PDZD2: variants seen among roughly 807,000 people sequenced by gnomAD.
PDZD2 encodes PDZ domain containing 2, also known as PDZ domain-containing protein 2.
PDZD2 carries 90 observed loss-of-function variants against 220.7 expected under a neutral mutation model. That is an observed-to-expected ratio of 0.41 (90% CI 0.34 to 0.49). PDZD2 has a LOEUF of 0.49. Among genes scored for constraint, PDZD2 ranks in the 20% least tolerant of loss-of-function variants. The probability of loss-of-function intolerance (pLI) is 0.28; values close to 1 mark genes in which losing one functional copy is unlikely to be tolerated. For missense variants in PDZD2, 3,174 were observed against 3,608.5 expected (o/e 0.88, Z 3.08); for synonymous variants, 1,375 against 1,450.5 (o/e 0.95, Z 1.18).
chr5:31,737,405 C>A (rs188801254), intron 1 of PDZD2, among the ~76,000 whole-genome samples: 13 of 152,138 alleles, frequency 8.5e-5, no homozygotes, highest in East Asian at 3.9e-4. Context: ...ATCTCCTGAC[C>A]TCGTGATCCG....
At chr5:31,642,380 A>G (rs1432998074) in intron 1 of PDZD2, among the ~76,000 whole-genome samples, 3 of 152,172 alleles carry the variant, frequency 2.0e-5, no homozygotes, top group African/African-American at 4.8e-5. Flanking sequence ...GTGGAGAGGC[A>G]GGGATGTCTC....
chr5:31,799,418 T>G lies in PDZD2; in HGVS notation c.170T>G (p.Val57Gly), dbSNP rs1298196652. 2 of 1,614,024 alleles carry G rather than the reference T, an allele frequency of 1.2e-6. No homozygotes were observed. The highest frequency in any genetic ancestry group is 1.3e-5 in the African/African-American group (1 of 74,914). ...AACTTTGCTGTGGATGAGAGTACGG[T>G]CCCACCTGATCACAGCCCCCCCGAA... The part of the protein sequence containing the change: ...QLNFAVDEST[V>G]PPDHSPPEME... Residue 57 changes from valine to glycine, a missense_variant, in exon 2 of 25, where the codon GTC becomes GGC. Physicochemically the swap from Val to Gly is moderately radical, Grantham distance 109. This residue lies in a region of PDZD2 where 632 missense variants were observed against 708.1 expected (regional missense o/e 0.89). Coordinates refer to ENST00000438447, the MANE Select transcript of PDZD2 (RefSeq NM_178140.4).
At chr5:31,751,841 C>T (rs1050036756) in intron 1 of PDZD2, among the ~76,000 whole-genome samples, 1 of 151,860 alleles carries the variant, frequency 6.6e-6, no homozygotes, top group Non-Finnish European at 1.5e-5. Flanking sequence ...GTTAAGATGC[C>T]GCCTCTGCCT....
At chr5:32,054,839 A>C (rs1738954538) in intron 10 of PDZD2, among the ~76,000 whole-genome samples, 1 of 152,226 alleles carries the variant, frequency 6.6e-6, no homozygotes, top group Non-Finnish European at 1.5e-5. Flanking sequence ...ACTGCCTTGC[A>C]AACTTGTCAA....
rs374029157 is a variant in PDZD2, at chr5:31,886,595, C to T, written c.476+86871C>T. ...GATGCTGAGATGTGTGGGCCCTCAG[C>T]CACGGCCCAGGGTGGAATTGAGGTC... is the stretch of plus-strand genomic sequence containing the variant. On this transcript the variant is annotated intron_variant, in intron 2 of 24. Transcript: ENST00000438447. Among the ~76,000 whole-genome samples the T allele has an allele frequency of 1.0e-4, 14 of 138,756 alleles. No homozygotes were observed. In the East Asian group the frequency reaches 1.9e-3, roughly 19 times the overall value. 91.0% of individuals were successfully genotyped at this position (138,756 alleles called of 152,430 possible). A position where few individuals can be genotyped will look rare whatever the true frequency, so the allele number is the denominator to read the frequency against.
intron 1 of PDZD2, among the ~76,000 whole-genome samples, chr5:31,679,320 G>A (rs1746564367): frequency 6.6e-6 from 1 of 152,232 alleles, no homozygotes; most frequent in Admixed American, 6.5e-5. Flanking sequence ...AATATTTCCA[G>A]TAGCTTATGT....
intron 19 of PDZD2, among the ~76,000 whole-genome samples, chr5:32,081,214 G>A (rs1741922538): frequency 6.6e-6 from 1 of 152,142 alleles, no homozygotes; most frequent in Non-Finnish European, 1.5e-5. Context: ...CTCTGTGACT[G>A]TACTGACCCC....
chr5:31,724,159 A>C (rs757699846), intron 1 of PDZD2, among the ~76,000 whole-genome samples: 1 of 152,226 alleles, frequency 6.6e-6, no homozygotes, highest in African/African-American at 2.4e-5. Context: ...GCGTAACTTC[A>C]TAGGAACATT....
intron 2 of PDZD2, among the ~76,000 whole-genome samples, chr5:31,930,866 G>T (rs1745219842): frequency 6.6e-6 from 1 of 152,106 alleles, no homozygotes; most frequent in South Asian, 2.1e-4. Context: ...GGTCAGGAGT[G>T]AGAGAGACTG....
rs34233316 is a variant in PDZD2 at position 31,816,287 on chromosome 5, C to CAAAAAA, written c.476+16573_476+16578dup. Among the ~76,000 whole-genome samples the CAAAAAA allele has an allele frequency of 1.2e-4, 12 of 99,144 alleles. 1 individual carries two copies. The highest frequency in any genetic ancestry group is 2.1e-4 in the African/African-American group (5 of 23,874). 65.0% of individuals were successfully genotyped at this position (99,144 alleles called of 152,430 possible). On this transcript the variant is annotated intron_variant, in intron 2 of 24. Coordinates refer to ENST00000438447, the MANE Select transcript of PDZD2 (RefSeq NM_178140.4). ...TGGGCGACAGAGCGAGACTCCATCT[C>CAAAAAA]AAAAAAAAAAAAAAAGATGACTGGG...
At chr5:31,866,532 C>T (rs1415114420) in intron 2 of PDZD2, among the ~76,000 whole-genome samples, 2 of 152,114 alleles carry the variant, frequency 1.3e-5, no homozygotes, top group South Asian at 2.1e-4. Flanking sequence ...TAGGAGCCTC[C>T]CCGACGATAC....
chr5:31,713,413 A>G lies in PDZD2; in HGVS notation c.-361+73976A>G, dbSNP rs78466381. 5.6e-3 allele frequency among the ~76,000 whole-genome samples: 848 copies of G among 152,274 alleles called. 10 individuals carry two copies. The highest frequency in any genetic ancestry group is 0.019 in the African/African-American group (809 of 41,566). On this transcript the variant is annotated intron_variant, in intron 1 of 24. Coordinates refer to ENST00000438447, the MANE Select transcript of PDZD2 (RefSeq NM_178140.4). ...TAATTATCTTTTCATCTGCATACTA[A>G]TTATTCCCAGTTAGGCTGCTTGATC... is the stretch of plus-strand genomic sequence containing the variant.
At chr5:31,803,671 A>G (rs77016694) in intron 2 of PDZD2, among the ~76,000 whole-genome samples, 2,462 of 152,092 alleles carry the variant, frequency 0.016, 60 homozygotes, top group African/African-American at 0.056. Flanking sequence ...GTCCTTTGCT[A>G]TCTTTAGGAA....
chr5:31,670,692 A>T (rs1308053498), intron 1 of PDZD2, among the ~76,000 whole-genome samples: 1 of 152,086 alleles, frequency 6.6e-6, no homozygotes, highest in African/African-American at 2.4e-5. Flanking sequence ...AAGTGCTGGG[A>T]TTACAGACGT....
intron 1 of PDZD2, among the ~76,000 whole-genome samples, chr5:31,761,171 T>C (rs981357472): frequency 3.3e-5 from 5 of 152,088 alleles, no homozygotes; most frequent in African/African-American, 1.2e-4. Context: ...TCAAATGCGA[T>C]GTTGTAGGTT....
Position 31,696,621 on chromosome 5 carries a change from G to A in PDZD2, c.-361+57184G>A, listed in dbSNP as rs938982579. 2.0e-5 allele frequency among the ~76,000 whole-genome samples: 3 copies of A among 152,220 alleles called. No homozygotes were observed. The East Asian group carries it at 5.8e-4, about 29-fold the overall frequency. ...CTGGCCACCTCTCCTTAATTGAGCT[G>A]AAAATACGCTTCACAAGAGACTTGA... On this transcript the variant is annotated intron_variant, in intron 1 of 24. Coordinates refer to ENST00000438447, the MANE Select transcript of PDZD2 (RefSeq NM_178140.4).
At position 32,090,435 on chromosome 5, in the gene PDZD2, T is replaced by G. The variant is rs777548493; in HGVS notation, c.6987T>G (p.Ser2329=). 4.3e-6 allele frequency: 7 copies of G among 1,613,886 alleles called. No homozygotes were observed. Among genetic ancestry groups the G allele is most frequent in the Non-Finnish European group, 5.1e-6 (6 of 1,179,970 alleles). ...ATGAGCAGAACTGGCCCCATGAATC[T>G]ACCTCATTTTTCTCTGTGAAGCAGC... ...YCYEQNWPHE[S]TSFFSVKQRI... The change falls in exon 20 of 25, where the codon TCT becomes TCG. Residue 2329 remains serine, a synonymous_variant. Coordinates refer to ENST00000438447, the MANE Select transcript of PDZD2 (RefSeq NM_178140.4). This position sits in a 1 kb window ranked among gnomAD's most constrained non-coding sequence, Gnocchi z 4.3.
chr5:31,694,078 A>T (rs1376075028), intron 1 of PDZD2, among the ~76,000 whole-genome samples: 1 of 152,184 alleles, frequency 6.6e-6, no homozygotes, highest in Non-Finnish European at 1.5e-5. Context: ...CTTCGTAATC[A>T]TGTTAGCATT....
chr5:31,978,940 G>C (rs530845361), intron 2 of PDZD2, among the ~76,000 whole-genome samples: 2 of 152,074 alleles, frequency 1.3e-5, no homozygotes, highest in East Asian at 3.9e-4. Flanking sequence ...CTGAACTCAA[G>C]ATAAACTCCT....
Sources: gnomAD v4.1 joint callset for allele counts (sites outside exome capture counted in the v4.1 genomes callset) on GRCh38, gnomAD v4.1.1 for gene constraint, gnomAD v4.1.1 regional missense constraint, Gnocchi (gnomAD v3.1) non-coding constraint, MANE v1.5 for transcripts, NCBI Gene and HGNC (gene_info 2026-07-23, HGNC 2026-07-21) for gene names.